DLGAP2: variants seen among roughly 807,000 people sequenced by gnomAD.
DLGAP2 encodes disks large-associated protein 2.
Under a neutral mutation model 100.3 loss-of-function variants are expected in DLGAP2, and 26 were observed. The observed-to-expected ratio is 0.26, with a 90% CI of 0.19 to 0.36. The LOEUF is 0.36. DLGAP2 is among the 10% of genes least tolerant of loss of function. The pLI is 1.00. For synonymous variants in DLGAP2, 886 were observed against 630.1 expected, an observed-to-expected ratio of 1.41 and a Z score of -6.08; for missense variants, 1,858 against 1,453.2, an observed-to-expected ratio of 1.28 and a Z score of -4.53.
chr8:1,244,032 A>G (rs1798853731), intron 2 of DLGAP2, among the ~76,000 whole-genome samples: 1 of 151,754 alleles, frequency 6.6e-6, no homozygotes, highest in East Asian at 2.0e-4. Flanking sequence ...AGGGATGGTG[A>G]GTGCCAGCTC....
At chr8:878,811 T>A (rs1797730807) in intron 1 of DLGAP2, among the ~76,000 whole-genome samples, 1 of 152,202 alleles carries the variant, frequency 6.6e-6, no homozygotes, top group Non-Finnish European at 1.5e-5. Context: ...TTCTCTACCA[T>A]GTTGTGAGAC....
intron 1 of DLGAP2, chr8:738,481 T>A (rs867572338): frequency 6.6e-6 from 1 of 152,030 alleles, no homozygotes; most frequent in African/African-American, 2.4e-5. Flanking sequence ...GGGGTCTTTT[T>A]TAGGGGTGGT....
intron 2 of DLGAP2, among the ~76,000 whole-genome samples, chr8:1,027,686 C>T (rs1446565369): frequency 1.2e-4 from 15 of 124,434 alleles, no homozygotes; most frequent in East Asian, 2.7e-4. Context: ...GGGTGCCAGG[C>T]GCCCGTTATT....
At chr8:1,073,716 C>T (rs1360596136) in intron 2 of DLGAP2, among the ~76,000 whole-genome samples, 1 of 152,186 alleles carries the variant, frequency 6.6e-6, no homozygotes, top group Non-Finnish European at 1.5e-5. Flanking sequence ...CAGTGCTTTC[C>T]ACAAACATTT....
intron 2 of DLGAP2, among the ~76,000 whole-genome samples, chr8:1,146,753 C>T (rs1796615732): frequency 6.6e-6 from 1 of 152,192 alleles, no homozygotes; most frequent in Non-Finnish European, 1.5e-5. Context: ...CCAGTACCAG[C>T]TATTGAAAGG....
At chr8:775,551 T>C (rs1442404436) in intron 1 of DLGAP2, among the ~76,000 whole-genome samples, 1 of 122,622 alleles carries the variant, frequency 8.2e-6, no homozygotes, top group Non-Finnish European at 1.7e-5. Context: ...TGAGAGTTTT[T>C]AGCATGAAGC....
intron 1 of DLGAP2, among the ~76,000 whole-genome samples, chr8:868,867 G>T (rs1797546954): frequency 6.6e-6 from 1 of 152,232 alleles, no homozygotes; most frequent in Non-Finnish European, 1.5e-5. Context: ...TGAGGGTGAA[G>T]TGGGGGCCGC....
chr8:1,684,555 A>G (rs1327956667), intron 12 of DLGAP2, among the ~76,000 whole-genome samples: 1 of 152,150 alleles, frequency 6.6e-6, no homozygotes, highest in Non-Finnish European at 1.5e-5. Flanking sequence ...TAATTTCATA[A>G]CACAGTTCCC....
chr8:1,515,024 G>T (rs747328551), intron 4 of DLGAP2, among the ~76,000 whole-genome samples: 1 of 151,508 alleles, frequency 6.6e-6, no homozygotes, highest in Non-Finnish European at 1.5e-5. Flanking sequence ...GAGGGAGACC[G>T]ACGTGCAGGG....
At chr8:912,705 C>G (rs1036845425) in intron 2 of DLGAP2, among the ~76,000 whole-genome samples, 3 of 145,098 alleles carry the variant, frequency 2.1e-5, no homozygotes, top group Non-Finnish European at 3.1e-5. Context: ...TGGTGCCCGC[C>G]TTCCTCTCTG....
intron 2 of DLGAP2, among the ~76,000 whole-genome samples, chr8:1,145,625 T>TA (rs1441471154): frequency 1.3e-5 from 2 of 152,192 alleles, no homozygotes; most frequent in African/African-American, 4.8e-5. Context: ...TTCTTTTTTT[T>TA]ATTATACTTT....
At position 1,676,662 on chromosome 8, in the gene DLGAP2, C is replaced by CTCTT. The variant is rs779434573; in HGVS notation, c.2288+46_2288+49dup. 2.5e-6 allele frequency: 4 copies of CTCTT among 1,569,678 alleles called. No homozygotes were observed. The African/African-American group carries it at 5.4e-5, about 21-fold the overall frequency. On this transcript the variant is annotated intron_variant, in intron 11 of 14. Transcript: ENST00000637795. ...ACACGCGGTGACCCCCGAGCGAGGG[C>CTCTT]TCTTTGTCAAAGGCCTGATGGAAGC...
At chr8:1,541,999 C>A (rs1265572117) in intron 4 of DLGAP2, among the ~76,000 whole-genome samples, 1 of 152,222 alleles carries the variant, frequency 6.6e-6, no homozygotes, top group African/African-American at 2.4e-5. Context: ...AGATGTTTCT[C>A]TGAGCCATAT....
At chr8:1,350,023 G>C (rs1364115287) in intron 3 of DLGAP2, among the ~76,000 whole-genome samples, 3 of 152,042 alleles carry the variant, frequency 2.0e-5, no homozygotes, top group African/African-American at 7.3e-5. Context: ...CTAATATAAA[G>C]GGGAGCAAAT....
chr8:1,304,289 C>T (rs1168301618), intron 3 of DLGAP2, among the ~76,000 whole-genome samples: 1 of 152,198 alleles, frequency 6.6e-6, no homozygotes, highest in African/African-American at 2.4e-5. Context: ...TGGCCCCACA[C>T]CCAGGGTGGC....
chr8:1,533,135 G>GAA (rs58058808), intron 4 of DLGAP2, among the ~76,000 whole-genome samples: 3 of 119,740 alleles, frequency 2.5e-5, no homozygotes, highest in Non-Finnish European at 3.6e-5. Flanking sequence ...TGATTCTAGG[G>GAA]AAAAAAAAAA....
At chr8:1,089,180 C>T (rs577314882) in intron 2 of DLGAP2, among the ~76,000 whole-genome samples, 1 of 152,252 alleles carries the variant, frequency 6.6e-6, no homozygotes, top group Non-Finnish European at 1.5e-5. Context: ...TCTCTCCACC[C>T]CTCATCCAGC....
At position 1,101,263 on chromosome 8, in the gene DLGAP2, C is replaced by G. The variant is rs542479889; in HGVS notation, c.74-157588C>G. Among the ~76,000 whole-genome samples the G allele has an allele frequency of 2.6e-5, 4 of 152,336 alleles. No individual in the cohort carries two copies. The South Asian group carries it at 8.3e-4, about 32-fold the overall frequency. On this transcript the variant is annotated intron_variant, in intron 2 of 14. Transcript: ENST00000637795. ...TTCCTTAAAATCCAACAAAGGCTCACTCACCAACACAGGGTGGGGGGCCAA... is the reference window on the plus strand; with the variant it reads ...TTCCTTAAAATCCAACAAAGGCTCAGTCACCAACACAGGGTGGGGGGCCAA...
chr8:1,698,424 G>A (rs1341692546), intron 14 of DLGAP2, among the ~76,000 whole-genome samples: 1 of 145,828 alleles, frequency 6.9e-6, no homozygotes, highest in Admixed American at 6.7e-5. Context: ...AGTAAGCCAT[G>A]CATGGGAGTA....
Sources: gnomAD v4.1 joint callset for allele counts (sites outside exome capture counted in the v4.1 genomes callset) on GRCh38, gnomAD v4.1.1 for gene constraint, MANE v1.5 for transcripts, NCBI Gene and HGNC (gene_info 2026-07-23, HGNC 2026-07-21) for gene names.